FAM78A: variants seen among roughly 807,000 people sequenced by gnomAD.
The protein encoded by FAM78A is protein FAM78A.
FAM78A carries 12 observed loss-of-function variants against 22.6 expected under a neutral mutation model. The ratio of observed to expected loss-of-function variants is 0.53; its 90% CI spans 0.34 to 0.86. The LOEUF (loss-of-function observed/expected upper bound fraction) is 0.86, where lower values mean the gene tolerates loss of function less well. Ranked by LOEUF, FAM78A falls within the 40% of genes least tolerant of loss-of-function variation. The pLI is 0.02. For missense variants in FAM78A, 322 were observed against 396.1 expected (o/e 0.81, Z 1.59); for synonymous variants, 151 against 155.8 (o/e 0.97, Z 0.23).
At chr9:131,270,439 G>C in intron 1 of FAM78A, 1 of 717,404 alleles carries the variant, frequency 1.4e-6, no homozygotes. Flanking sequence ...TGATTACTAC[G>C]GCTGTTGAGT....
chr9:131,270,043 A>AAT (rs1835398051), intron 1 of FAM78A, among the ~76,000 whole-genome samples: 1 of 149,090 alleles, frequency 6.7e-6, no homozygotes, highest in East Asian at 2.0e-4. Context: ...AAAATAAAAA[A>AAT]AAAAAAAAAA....
At chr9:131,269,358 T>C (rs190644747) in intron 1 of FAM78A, among the ~76,000 whole-genome samples, 33 of 152,350 alleles carry the variant, frequency 2.2e-4, no homozygotes, top group African/African-American at 5.3e-4. Context: ...TCATCGCCTA[T>C]GGCCCTGCCT....
intron 1 of FAM78A, chr9:131,270,349 T>TG (rs1191544078): frequency 1.3e-5 from 9 of 717,426 alleles, no homozygotes; most frequent in Non-Finnish European, 2.3e-5. Flanking sequence ...CCCCAAACAC[T>TG]GGGCACGACT....
chr9:131,269,123 AAGTGTATCAAGT>A (rs1454933184), intron 1 of FAM78A, among the ~76,000 whole-genome samples: 13 of 148,526 alleles, frequency 8.8e-5, no homozygotes, highest in African/African-American at 3.0e-4. Context: ...AAAAAAAAAG[AAGTGTATCAAGT>A]GAAAACTGAA....
rs1477188344 is a variant in FAM78A at position 131,261,818 on chromosome 9, C to T, written c.324-468G>A. Among the ~76,000 whole-genome samples, 1 of 152,262 alleles carries T rather than the reference C, an allele frequency of 6.6e-6. No homozygotes were observed. The highest frequency in any genetic ancestry group is 2.1e-4 in the South Asian group (1 of 4,830). ...GGCCAAGCGGTGGGGCCTGGGACCC[C>T]GGCGCATTTCCACCAAGGCACCTGT... On this transcript the variant is annotated intron_variant, in intron 1 of 1. Transcript: ENST00000372271. The surrounding 1 kb of genome is among the most constrained non-coding windows in gnomAD (Gnocchi z 7.1).
At position 131,261,178 on chromosome 9, in the gene FAM78A, C is replaced by T. The variant is rs137934281; in HGVS notation, c.496G>A (p.Val166Ile). 9.3e-6 allele frequency: 15 copies of T among 1,613,918 alleles called. No homozygotes were observed. Among genetic ancestry groups the T allele is most frequent in the African/African-American group, 5.3e-5 (4 of 74,874 alleles). ...ISMNDNFYPS[V>I]TWAVPVSESN... is the part of the protein sequence containing the mutation. ...TCGCTGACGGGCACGGCCCATGTGA[C>T]GCTGGGGTAAAAGTTGTCATTCATG... The change falls in exon 2 of 2, where the codon GTC (valine) becomes ATC (isoleucine). Residue 166 changes from valine to isoleucine, a missense_variant. Coordinates refer to ENST00000372271, the MANE Select transcript of FAM78A (RefSeq NM_033387.4). This position sits in a 1 kb window ranked among gnomAD's most constrained non-coding sequence, Gnocchi z 7.1.
Position 131,275,511 on chromosome 9 carries a change from G to A in FAM78A, c.323+346C>T, listed in dbSNP as rs566426584. Among the ~76,000 whole-genome samples, 1 of 152,348 alleles carries A rather than the reference G, an allele frequency of 6.6e-6. No individual in the cohort carries two copies. The highest frequency in any genetic ancestry group is 2.1e-4 in the South Asian group (1 of 4,826). On this transcript the variant is annotated intron_variant, in intron 1 of 1. Transcript: ENST00000372271. The surrounding 1 kb of genome is among the most constrained non-coding windows in gnomAD (Gnocchi z 4.6). ...CCCTGCAGCCTCTCTGGTGACCCCT[G>A]ATGGCACAGACACTCCTCAGGCGGA...
upstream of FAM78A, among the ~76,000 whole-genome samples, chr9:131,276,781 G>C (rs1008526817): frequency 6.6e-6 from 1 of 151,008 alleles, no homozygotes; most frequent in African/African-American, 2.4e-5. The surrounding 1 kb of genome is among the most constrained non-coding windows in gnomAD (Gnocchi z 4.3). Flanking sequence ...GGTGACGGGG[G>C]AGCGCGGCGC....
At chr9:131,280,496 C>A (rs1018079787), upstream of FAM78A, among the ~76,000 whole-genome samples, 1 of 152,186 alleles carries the variant, frequency 6.6e-6, no homozygotes, top group Admixed American at 6.5e-5. Flanking sequence ...CTCTCAGGAC[C>A]CTTTCCCCTC....
At position 131,274,640 on chromosome 9, in the gene FAM78A, T is replaced by C. The variant is rs1340832014; in HGVS notation, c.323+1217A>G. On this transcript the variant is annotated intron_variant, in intron 1 of 1. Coordinates refer to ENST00000372271, the MANE Select transcript of FAM78A (RefSeq NM_033387.4). The surrounding 1 kb of genome is among the most constrained non-coding windows in gnomAD (Gnocchi z 4.2). ...TGTTTCCTTTAGAACTTTGGAGTCA[T>C]TAAGTAGAGAAGCCACCAGACTTGG... Among the ~76,000 whole-genome samples the C allele has an allele frequency of 2.0e-5, 3 of 152,198 alleles. No homozygotes were observed. Among genetic ancestry groups the C allele is most frequent in the African/African-American group, 7.2e-5 (3 of 41,452 alleles).
At chr9:131,277,990 C>A (rs545364693), upstream of FAM78A, among the ~76,000 whole-genome samples, 12 of 146,284 alleles carry the variant, frequency 8.2e-5, no homozygotes, top group South Asian at 2.3e-3. The surrounding 1 kb of genome is among the most constrained non-coding windows in gnomAD (Gnocchi z 8.4). Context: ...GCGCAGCCGG[C>A]GCACGCAGGG....
chr9:131,280,697 C>A (rs140811587), upstream of FAM78A, among the ~76,000 whole-genome samples: 53 of 152,332 alleles, frequency 3.5e-4, no homozygotes, highest in East Asian at 9.5e-3. Context: ...CCCAAAGCCA[C>A]ACAGCAAGTC....
At chr9:131,266,966 C>T (rs1488840481) in intron 1 of FAM78A, among the ~76,000 whole-genome samples, 1 of 152,248 alleles carries the variant, frequency 6.6e-6, no homozygotes, top group African/African-American at 2.4e-5. Flanking sequence ...CTGCAAAAGC[C>T]TCTTGTTGGA....
upstream of FAM78A, among the ~76,000 whole-genome samples, chr9:131,277,659 T>TG (rs547156458): frequency 3.4e-4 from 52 of 151,206 alleles, no homozygotes; most frequent in African/African-American, 1.1e-3. The surrounding 1 kb of genome is among the most constrained non-coding windows in gnomAD (Gnocchi z 8.4). Flanking sequence ...CACTGTCCCT[T>TG]GGCTCTACTG....
At chr9:131,280,104 CT>C (rs138615723), upstream of FAM78A, among the ~76,000 whole-genome samples, 20,056 of 152,294 alleles carry the variant, frequency 0.13, 1,655 homozygotes, top group East Asian at 0.23. Context: ...TCATCTCAGT[CT>C]GCAGGAGAAG....
At chr9:131,273,645 A>C (rs1037252601) in intron 1 of FAM78A, among the ~76,000 whole-genome samples, 3 of 152,156 alleles carry the variant, frequency 2.0e-5, no homozygotes, top group African/African-American at 4.8e-5. Context: ...AATTCACTAC[A>C]CGGTGTGGCT....
chr9:131,261,294 G>T lies in FAM78A; in HGVS notation c.380C>A (p.Ser127Ter). The T allele has an allele frequency of 6.2e-7, 1 of 1,605,222 alleles. No homozygotes were observed. The change falls in exon 2 of 2, where the codon TCG (serine) becomes TAG (stop). Residue 127 changes from serine to a stop codon, truncating the protein, a stop_gained. Transcript: ENST00000372271. LOFTEE classifies it high-confidence loss of function. The surrounding 1 kb of genome is among the most constrained non-coding windows in gnomAD (Gnocchi z 7.1). The stretch of plus-strand genomic sequence containing the variant: ...GTACCAGGGGTAGTTCACCCCATCC[G>T]AGTCGCTGATGGCTTGGATCTTGCC... The part of the protein sequence containing the change: ...QEGKIQAISD[S>*]DGVNYPWYGN...
rs182371747 is a variant in FAM78A, at chr9:131,274,399, C to A, written c.323+1458G>T. The stretch of plus-strand genomic sequence containing the variant: ...CTTAAGCGTTCTTAGAAAAGGTCCT[C>A]ACTGCATAACTAAGAATCATGTTTC... On this transcript the variant is annotated intron_variant, in intron 1 of 1. Transcript: ENST00000372271. The surrounding 1 kb of genome is among the most constrained non-coding windows in gnomAD (Gnocchi z 4.2). Among the ~76,000 whole-genome samples, 155 of 152,352 alleles carry A rather than the reference C, an allele frequency of 1.0e-3. No homozygotes were observed. Among genetic ancestry groups the A allele is most frequent in the African/African-American group, 3.1e-3 (128 of 41,580 alleles).
At chr9:131,264,406 C>T (rs1347975239) in intron 1 of FAM78A, 2 of 581,400 alleles carry the variant, frequency 3.4e-6, no homozygotes, top group Non-Finnish European at 6.2e-6. Flanking sequence ...TGCGTGGATC[C>T]CTCCACCTGG....
Sources: allele counts gnomAD v4.1 joint callset (sites outside exome capture counted in the v4.1 genomes callset), GRCh38; gene constraint gnomAD v4.1.1; non-coding constraint Gnocchi (gnomAD v3.1); transcripts MANE v1.5; gene names NCBI Gene and HGNC (gene_info 2026-07-23, HGNC 2026-07-21).